Variants in TNRC18 observed in about 807,000 individuals in gnomAD.
The protein encoded by TNRC18 is trinucleotide repeat containing 18.
Under a neutral mutation model 226.7 loss-of-function variants are expected in TNRC18, and 69 were observed. That is an observed-to-expected ratio of 0.30 (90% confidence interval 0.25 to 0.37). TNRC18 has a LOEUF of 0.37. TNRC18 is among the 10% of genes least tolerant of loss of function. The probability of loss-of-function intolerance (pLI) is 1.00; values close to 1 mark genes in which losing one functional copy is unlikely to be tolerated. For synonymous variants in TNRC18, 2,449 were observed against 1,927.6 expected (o/e 1.27, Z -7.09); for missense variants, 4,754 against 4,256.6 (o/e 1.12, Z -3.25).
intron 17 of TNRC18, among the ~76,000 whole-genome samples, chr7:5,346,301 A>G (rs7776812): frequency 0.91 from 138,086 of 152,260 alleles, 62,789 homozygotes; most frequent in East Asian, 1. Context: ...CTGAGTCCTG[A>G]GGGCTGGCGG....
chr7:5,372,995 C>T lies in TNRC18; in HGVS notation c.3229+1060G>A, dbSNP rs534392707. ...CCAACATGGAGAAACCCCGTCTCTA[C>T]TAAAAATTCAAAATTAGCCGGGCAT... On this transcript the variant is annotated intron_variant, in intron 10 of 29. Transcript: ENST00000430969. Among the ~76,000 whole-genome samples, 8 of 152,026 alleles carry T rather than the reference C, an allele frequency of 5.3e-5. No homozygotes were observed. In the East Asian group the frequency reaches 1.5e-3, roughly 29 times the overall value.
Position 5,377,352 on chromosome 7 carries a change from C to A in TNRC18, c.2461+19G>T. The A allele has an allele frequency of 8.9e-7, 1 of 1,128,032 alleles. No homozygotes were observed. Among genetic ancestry groups the A allele is most frequent in the Non-Finnish European group, 1.2e-6 (1 of 811,000 alleles). The allele number at this position is 1,128,032 out of a possible 1,614,324, so 69.9% of individuals were successfully genotyped here. A position where few individuals can be genotyped will look rare whatever the true frequency, so the allele number is the denominator to read the frequency against. ...CCCCTCCCTCAGAGAAGGGGAGAGACCCTGTGCCCCACACTCACCGTAGGG... is the reference window on the plus strand; with the variant it reads ...CCCCTCCCTCAGAGAAGGGGAGAGAACCTGTGCCCCACACTCACCGTAGGG... On this transcript the variant is annotated intron_variant, in intron 7 of 29. Transcript: ENST00000430969. This position sits in a 1 kb window ranked among gnomAD's most constrained non-coding sequence, Gnocchi z 5.8.
At chr7:5,397,861 C>T (rs1458986105) in intron 2 of TNRC18, among the ~76,000 whole-genome samples, 2 of 152,180 alleles carry the variant, frequency 1.3e-5, no homozygotes, top group Non-Finnish European at 2.9e-5. Context: ...CCTCTGTCTT[C>T]CCCGAGAGAC....
At position 5,307,774 on chromosome 7, in the gene TNRC18, C is replaced by CGCA. The variant is rs1373055611; in HGVS notation, c.*329_*331dup. 1.1e-4 allele frequency: 42 copies of CGCA among 394,304 alleles called. No individual in the cohort carries two copies. The highest frequency in any genetic ancestry group is 2.1e-4 in the African/African-American group (10 of 48,680). 24.4% of individuals were successfully genotyped at this position (394,304 alleles called of 1,614,324 possible). ...GGACCTGGGGGCACCCGGGCCCCCA[C>CGCA]GCAGCAGCAGCCTGGAGGGCCGGCC... is the stretch of plus-strand genomic sequence containing the variant. On this transcript the variant is annotated 3_prime_UTR_variant, in exon 30 of 30. Coordinates refer to ENST00000430969, the MANE Select transcript of TNRC18 (RefSeq NM_001080495.3).
chr7:5,381,092 C>T (rs1049294857), intron 5 of TNRC18, among the ~76,000 whole-genome samples: 4 of 152,202 alleles, frequency 2.6e-5, no homozygotes, highest in African/African-American at 4.8e-5. Flanking sequence ...CCACCTGCCA[C>T]AGAAGCCAGT....
chr7:5,322,921 G>A (rs1788520998), intron 21 of TNRC18, among the ~76,000 whole-genome samples: 1 of 152,194 alleles, frequency 6.6e-6, no homozygotes, highest in Non-Finnish European at 1.5e-5. Context: ...AGAAGTGGCC[G>A]GGGCCCAATG....
At chr7:5,415,281 G>A (rs1782106875) in intron 2 of TNRC18, among the ~76,000 whole-genome samples, 1 of 151,992 alleles carries the variant, frequency 6.6e-6, no homozygotes, top group African/African-American at 2.4e-5. Flanking sequence ...GATCAGTCGG[G>A]TGGGGGTGGG....
At chr7:5,349,277 G>A (rs559597519) in intron 17 of TNRC18, among the ~76,000 whole-genome samples, 1 of 152,326 alleles carries the variant, frequency 6.6e-6, no homozygotes, top group East Asian at 1.9e-4. Context: ...AGCAGGCTGG[G>A]GAGCAGAGGG....
Position 5,315,046 on chromosome 7 carries a change from G to A in TNRC18, c.6965C>T (p.Ser2322Leu), listed in dbSNP as rs556387278. ...GEGKDGGTAG[S>L]EEPGAKARGR... ...ACGGGCCTTGGCTCCTGGCTCCTCC[G>A]ACCCAGCCGTGCCACCATCTTTGCC... Residue 2322 changes from serine (S) to leucine (L), a missense_variant, in exon 26 of 30, where the codon TCG becomes TTG. Physicochemically the swap from Ser to Leu is moderately radical, Grantham distance 145. Transcript: ENST00000430969. The A allele has an allele frequency of 4.5e-5, 72 of 1,609,536 alleles. 1 individual carries two copies. The South Asian group carries it at 6.4e-4, about 14-fold the overall frequency.
Position 5,333,064 on chromosome 7 carries a change from AG to A in TNRC18, c.5720-16del. On this transcript the variant is annotated splice_polypyrimidine_tract_variant and intron_variant, in intron 18 of 29. Coordinates refer to ENST00000430969, the MANE Select transcript of TNRC18 (RefSeq NM_001080495.3). ...GAACTCTGTGCCTGAACGCGGGAGG[AG>A]GGCGTGCTGGTCACAGCCTCGTGGG... 6.4e-7 allele frequency: 1 copy of A among 1,562,856 alleles called. No individual in the cohort carries two copies. The highest frequency in any genetic ancestry group is 1.8e-5 in the Admixed American group (1 of 55,072).
In TNRC18 at chr7:5,312,416, A is replaced by G; in HGVS notation, c.8388+87T>C. 6.6e-7 allele frequency: 1 copy of G among 1,512,592 alleles called. No homozygotes were observed. The allele number at this position is 1,512,592 out of a possible 1,614,324, so 93.7% of individuals were successfully genotyped here. A position where few individuals can be genotyped will look rare whatever the true frequency, so the allele number is the denominator to read the frequency against. ...CTGGGGTTCTGGGAGGTTACCACAC[A>G]CGGAGACACAGCATGAAGCCGTGGG... On this transcript the variant is annotated intron_variant, in intron 27 of 29. Transcript: ENST00000430969. This position sits in a 1 kb window ranked among gnomAD's most constrained non-coding sequence, Gnocchi z 6.3.
chr7:5,348,279 G>A (rs574342024), intron 17 of TNRC18, among the ~76,000 whole-genome samples: 1 of 152,324 alleles, frequency 6.6e-6, no homozygotes, highest in African/African-American at 2.4e-5. Context: ...CAGGTGACAG[G>A]GGTGCCCATC....
intron 17 of TNRC18, among the ~76,000 whole-genome samples, chr7:5,347,573 G>A (rs1240459688): frequency 2.0e-5 from 3 of 152,108 alleles, no homozygotes; most frequent in African/African-American, 7.2e-5. Flanking sequence ...GCAGAAGCGG[G>A]AGGATCGCCT....
chr7:5,393,987 T>C (rs558250482), intron 3 of TNRC18, among the ~76,000 whole-genome samples: 1 of 152,208 alleles, frequency 6.6e-6, no homozygotes, highest in South Asian at 2.1e-4. Context: ...GGATTACAGC[T>C]GTGAGCCACC....
At chr7:5,406,461 CA>C (rs1046742570) in intron 2 of TNRC18, among the ~76,000 whole-genome samples, 3 of 150,858 alleles carry the variant, frequency 2.0e-5, no homozygotes, top group Admixed American at 6.6e-5. Flanking sequence ...GACTCTGTCT[CA>C]AAAAAAAATT....
chr7:5,336,267 G>C (rs984888416), intron 18 of TNRC18, among the ~76,000 whole-genome samples: 9 of 150,338 alleles, frequency 6.0e-5, no homozygotes, highest in African/African-American at 2.2e-4. Context: ...TCACATTCCA[G>C]AGAGAAAAAA....
At chr7:5,395,134 G>A (rs1584055108) in intron 2 of TNRC18, among the ~76,000 whole-genome samples, 2 of 152,268 alleles carry the variant, frequency 1.3e-5, no homozygotes, top group African/African-American at 4.8e-5. Context: ...AGAAAAAGAA[G>A]GTGAGGCTCA....
intron 2 of TNRC18, among the ~76,000 whole-genome samples, chr7:5,405,436 G>A (rs1383555547): frequency 6.6e-6 from 1 of 152,042 alleles, no homozygotes; most frequent in Non-Finnish European, 1.5e-5. Context: ...AAGTGTGGTG[G>A]TGCGCACCTG....
rs904005679 is a variant in TNRC18, at chr7:5,394,017, A to G, written c.343+423T>C. ...GCCACCATGCCCGGCCTGCTCCTGT[A>G]ATTATTAATGAGCCTACTGTGTACC... On this transcript the variant is annotated intron_variant, in intron 3 of 29. Transcript: ENST00000430969. This position sits in a 1 kb window ranked among gnomAD's most constrained non-coding sequence, Gnocchi z 4.5. Among the ~76,000 whole-genome samples, 1 of 152,040 alleles carries G rather than the reference A, an allele frequency of 6.6e-6. No individual in the cohort carries two copies. Among genetic ancestry groups the G allele is most frequent in the African/African-American group, 2.4e-5 (1 of 41,384 alleles).
Sources: gnomAD v4.1 joint callset for allele counts (sites outside exome capture counted in the v4.1 genomes callset) on GRCh38, gnomAD v4.1.1 for gene constraint, Gnocchi (gnomAD v3.1) non-coding constraint, MANE v1.5 for transcripts, NCBI Gene and HGNC (gene_info 2026-07-23, HGNC 2026-07-21) for gene names.